Variants in S1PR1 observed in about 807,000 individuals in gnomAD.
S1PR1 encodes the protein sphingosine-1-phosphate receptor 1.
Under a neutral mutation model 18.3 loss-of-function variants are expected in S1PR1, and 2 were observed. The ratio of observed to expected loss-of-function variants is 0.11; its 90% CI spans 0.04 to 0.34. The LOEUF (loss-of-function observed/expected upper bound fraction) is 0.34, where lower values mean the gene tolerates loss of function less well. Ranked by LOEUF, S1PR1 falls within the 10% of genes least tolerant of loss-of-function variation. The pLI, the probability that S1PR1 is intolerant of heterozygous loss-of-function variation, is 1.00. For synonymous variants in S1PR1, 222 were observed against 211.2 expected, an observed-to-expected ratio of 1.05 and a Z score of -0.44; for missense variants, 335 against 493.8, an observed-to-expected ratio of 0.68 and a Z score of 3.05.
At chr1:101,241,579 CT>C (rs1652911646), downstream of S1PR1, 1 of 164,964 alleles carries the variant, frequency 6.1e-6, no homozygotes, top group Admixed American at 6.5e-5. Context: ...TTGTGTAGCT[CT>C]TTGGAATCAA....
At chr1:101,241,838 C>T (rs932859520), downstream of S1PR1, among the ~76,000 whole-genome samples, 1 of 152,090 alleles carries the variant, frequency 6.6e-6, no homozygotes. Context: ...ATAATTCTGT[C>T]ATCAAATATG....
Position 101,240,668 on chromosome 1 carries a change from T to G in S1PR1, c.*535T>G, listed in dbSNP as rs1283859134. 1 of 169,436 alleles carries G rather than the reference T, an allele frequency of 5.9e-6. No homozygotes were observed. The highest frequency in any genetic ancestry group is 2.0e-4 in the East Asian group (1 of 4,898). The allele number at this position is 169,436 out of a possible 1,614,324, so 10.5% of individuals were successfully genotyped here. On this transcript the variant is annotated 3_prime_UTR_variant, in exon 2 of 2. Coordinates refer to ENST00000305352, the MANE Select transcript of S1PR1 (RefSeq NM_001400.5). ...TACCTGAGAGTTATCAGAGCTGGGG[T>G]TGTGGAATGATCGATCATCTATAGC...
rs2100880368 is a variant in S1PR1, at chr1:101,239,004, C to T, written c.20C>T (p.Pro7Leu). The T allele has an allele frequency of 1.2e-6, 2 of 1,613,622 alleles. No individual in the cohort carries two copies. Among genetic ancestry groups the T allele is most frequent in the East Asian group, 2.2e-5 (1 of 44,886 alleles). The part of the protein sequence containing the change: MGPTSV[P>L]LVKAHRSSVS... ...GGCACCATGGGGCCCACCAGCGTCC[C>T]GCTGGTCAAGGCCCACCGCAGCTCG... Residue 7 changes from proline (P) to leucine (L), a missense_variant, in exon 2 of 2, where the codon CCG becomes CTG. Coordinates refer to ENST00000305352, the MANE Select transcript of S1PR1 (RefSeq NM_001400.5). The surrounding 1 kb of genome is among the most constrained non-coding windows in gnomAD (Gnocchi z 6.3).
chr1:101,239,737 G>A lies in S1PR1; in HGVS notation c.753G>A (p.Ser251=). 1 of 1,613,810 alleles carries A rather than the reference G, an allele frequency of 6.2e-7. No individual in the cohort carries two copies. The highest frequency in any genetic ancestry group is 8.5e-7 in the Non-Finnish European group (1 of 1,180,032). ...ISKASRSSEK[S]LALLKTVIIV... ...AGGCCAGCCGCAGCTCTGAGAAGTC[G>A]CTGGCGCTGCTCAAGACCGTAATTA... Residue 251 remains serine, a synonymous_variant, in exon 2 of 2, where the codon TCG becomes TCA. Transcript: ENST00000305352. This position sits in a 1 kb window ranked among gnomAD's most constrained non-coding sequence, Gnocchi z 6.3.
At position 101,240,091 on chromosome 1, in the gene S1PR1, A is replaced by G; in HGVS notation, c.1107A>G (p.Pro369=). 6.2e-7 allele frequency: 1 copy of G among 1,613,284 alleles called. No homozygotes were observed. Among genetic ancestry groups the G allele is most frequent in the Non-Finnish European group, 8.5e-7 (1 of 1,180,022 alleles). Residue 369 remains proline, a synonymous_variant, in exon 2 of 2, where the codon CCA becomes CCG. Transcript: ENST00000305352. ...CCCAGAAAGACGAAGGGGACAACCC[A>G]GAGACCATTATGTCTTCTGGAAACG... ...SHPQKDEGDN[P]ETIMSSGNVN... is the part of the protein sequence containing the mutation.
chr1:101,239,824 G>A lies in S1PR1; in HGVS notation c.840G>A (p.Val280=), dbSNP rs772560339. ...APLFILLLLD[V]GCKVKTCDIL... is the part of the protein sequence containing the mutation. Reference sequence around the variant, plus strand: ...TCTTCATCCTGCTCCTGCTGGATGTGGGCTGCAAGGTGAAGACCTGTGACA... The same window carrying A: ...TCTTCATCCTGCTCCTGCTGGATGTAGGCTGCAAGGTGAAGACCTGTGACA... Residue 280 remains valine (V), a synonymous_variant, in exon 2 of 2, where the codon GTG becomes GTA. Transcript: ENST00000305352. The surrounding 1 kb of genome is among the most constrained non-coding windows in gnomAD (Gnocchi z 6.3). 3.1e-6 allele frequency: 5 copies of A among 1,613,664 alleles called. No homozygotes were observed. Among genetic ancestry groups the A allele is most frequent in the African/African-American group, 1.3e-5 (1 of 75,038 alleles).
In S1PR1 at chr1:101,239,344, G is replaced by T; in HGVS notation, c.360G>T (p.Arg120=). The change falls in exon 2 of 2, where the codon CGG becomes CGT. Residue 120 remains arginine, a synonymous_variant. Coordinates refer to ENST00000305352, the MANE Select transcript of S1PR1 (RefSeq NM_001400.5). The surrounding 1 kb of genome is among the most constrained non-coding windows in gnomAD (Gnocchi z 6.3). ...YKLTPAQWFL[R]EGSMFVALSA... is the part of the protein sequence containing the mutation. ...TCACTCCCGCCCAGTGGTTTCTGCG[G>T]GAAGGGAGTATGTTTGTGGCCCTGT... 6.2e-7 allele frequency: 1 copy of T among 1,614,212 alleles called. No individual in the cohort carries two copies. Among genetic ancestry groups the T allele is most frequent in the Non-Finnish European group, 8.5e-7 (1 of 1,180,036 alleles).
rs1422022735 is a variant in S1PR1, at chr1:101,240,222, C to T, written c.*89C>T. On this transcript the variant is annotated 3_prime_UTR_variant, in exon 2 of 2. Coordinates refer to ENST00000305352, the MANE Select transcript of S1PR1 (RefSeq NM_001400.5). ...GAAAAAAATCTCTGGGCTTCGACTG[C>T]TGCCAGGGAGGAGCTGCTGCAAGCC... is the stretch of plus-strand genomic sequence containing the variant. 7.1e-7 allele frequency: 1 copy of T among 1,410,972 alleles called. No individual in the cohort carries two copies. The highest frequency in any genetic ancestry group is 9.8e-7 in the Non-Finnish European group (1 of 1,024,348). The allele number at this position is 1,410,972 out of a possible 1,614,324, so 87.4% of individuals were successfully genotyped here. A position where few individuals can be genotyped will look rare whatever the true frequency, so the allele number is the denominator to read the frequency against.
Position 101,240,861 on chromosome 1 carries a change from G to C in S1PR1, c.*728G>C, listed in dbSNP as rs1488843356. 1 of 167,194 alleles carries C rather than the reference G, an allele frequency of 6.0e-6. No individual in the cohort carries two copies. The highest frequency in any genetic ancestry group is 1.5e-5 in the Non-Finnish European group (1 of 68,110). The allele number at this position is 167,194 out of a possible 1,614,324, so 10.4% of individuals were successfully genotyped here. A position where few individuals can be genotyped will look rare whatever the true frequency, so the allele number is the denominator to read the frequency against. On this transcript the variant is annotated 3_prime_UTR_variant, in exon 2 of 2. Transcript: ENST00000305352. The stretch of plus-strand genomic sequence containing the variant: ...AAAAAACATCTTTTCAATGAAATGT[G>C]TTACCATTTCATATCCATTGAAGCC...
rs201084933 is a variant in S1PR1, at chr1:101,239,940, G to A, written c.956G>A (p.Arg319His). ...IIYTLTNKEM[R>H]RAFIRIMSCC... is the part of the protein sequence containing the mutation. Reference sequence around the variant, plus strand: ...TACACTCTGACCAACAAGGAGATGCGTCGGGCCTTCATCCGGATCATGTCC... The same window carrying A: ...TACACTCTGACCAACAAGGAGATGCATCGGGCCTTCATCCGGATCATGTCC... The change falls in exon 2 of 2, where the codon CGT becomes CAT. Residue 319 changes from arginine to histidine, a missense_variant. Transcript: ENST00000305352. This position sits in a 1 kb window ranked among gnomAD's most constrained non-coding sequence, Gnocchi z 6.3. 6.2e-7 allele frequency: 1 copy of A among 1,614,064 alleles called. No individual in the cohort carries two copies. Among genetic ancestry groups the A allele is most frequent in the Non-Finnish European group, 8.5e-7 (1 of 1,180,028 alleles).
In S1PR1 at chr1:101,240,319, A is replaced by G. The variant is rs528862816; in HGVS notation, c.*186A>G. On this transcript the variant is annotated 3_prime_UTR_variant, in exon 2 of 2. Transcript: ENST00000305352. ...TTGGTGGGTAGAGTTAGTTCCTGTG[A>G]ACAATGCACTGGGAAGGGTGGAGAT... is the stretch of plus-strand genomic sequence containing the variant. 88 of 640,456 alleles carry G rather than the reference A, an allele frequency of 1.4e-4. No homozygotes were observed. In the African/African-American group the frequency reaches 1.5e-3, roughly 11 times the overall value. The allele number at this position is 640,456 out of a possible 1,614,324, so 39.7% of individuals were successfully genotyped here.
chr1:101,241,008 G>A lies in S1PR1; in HGVS notation c.*875G>A, dbSNP rs200214595. ...AATGGATTAACTTTTGCAAACCAAG[G>A]GAGATTTCTTAGCAAATGAGTCTAA... is the stretch of plus-strand genomic sequence containing the variant. On this transcript the variant is annotated 3_prime_UTR_variant, in exon 2 of 2. Transcript: ENST00000305352. The A allele has an allele frequency of 6.0e-6, 1 of 167,070 alleles. No individual in the cohort carries two copies. The highest frequency in any genetic ancestry group is 1.5e-5 in the Non-Finnish European group (1 of 68,106). The allele number at this position is 167,070 out of a possible 1,614,324, so 10.3% of individuals were successfully genotyped here.
In S1PR1 at chr1:101,238,995, C is replaced by G. The variant is rs997974294; in HGVS notation, c.11C>G (p.Thr4Ser). 2 of 1,612,816 alleles carry G rather than the reference C, an allele frequency of 1.2e-6. No homozygotes were observed. Among genetic ancestry groups the G allele is most frequent in the Admixed American group, 1.7e-5 (1 of 59,918 alleles). The change falls in exon 2 of 2, where the codon ACC (threonine) becomes AGC (serine). Residue 4 changes from threonine (T) to serine (S), a missense_variant. This residue lies in a region of S1PR1 where 31 missense variants were observed against 29.6 expected (regional missense o/e 1.05). Coordinates refer to ENST00000305352, the MANE Select transcript of S1PR1 (RefSeq NM_001400.5). ...CACAGGGTTGGCACCATGGGGCCCACCAGCGTCCCGCTGGTCAAGGCCCAC... is the reference window on the plus strand; with the variant it reads ...CACAGGGTTGGCACCATGGGGCCCAGCAGCGTCCCGCTGGTCAAGGCCCAC... MGP[T>S]SVPLVKAHRS...
At chr1:101,238,528 C>CTT (rs66807270) in intron 1 of S1PR1, among the ~76,000 whole-genome samples, 1,898 of 144,838 alleles carry the variant, frequency 0.013, 34 homozygotes, top group African/African-American at 0.046. Flanking sequence ...TTTTCATCAT[C>CTT]TTTTTTTTTT....
Position 101,239,274 on chromosome 1 carries a change from C to T in S1PR1, c.290C>T (p.Ala97Val). Reference protein sequence around the residue: ...LALSDLLAGVAYTANLLLSGA... With the variant: ...LALSDLLAGVVYTANLLLSGA... ...CTCTCAGACCTGTTGGCAGGAGTAG[C>T]CTACACAGCTAACCTGCTCTTGTCT... Residue 97 changes from alanine to valine, a missense_variant, in exon 2 of 2, where the codon GCC becomes GTC. Physicochemically the swap from Ala to Val is moderately conservative, Grantham distance 64. Transcript: ENST00000305352. The surrounding 1 kb of genome is among the most constrained non-coding windows in gnomAD (Gnocchi z 6.3). The T allele has an allele frequency of 1.2e-6, 2 of 1,614,158 alleles. No individual in the cohort carries two copies. The highest frequency in any genetic ancestry group is 1.7e-6 in the Non-Finnish European group (2 of 1,180,026).
Position 101,240,961 on chromosome 1 carries a change from A to C in S1PR1, c.*828A>C, listed in dbSNP as rs1465416384. On this transcript the variant is annotated 3_prime_UTR_variant, in exon 2 of 2. Transcript: ENST00000305352. ...CCTTGGTGTCCTAGGAGAAACAGAC[A>C]AGCAAAACAAAGTGAAAACCGAATG... 4 of 167,224 alleles carry C rather than the reference A, an allele frequency of 2.4e-5. No individual in the cohort carries two copies. Among genetic ancestry groups the C allele is most frequent in the Non-Finnish European group, 5.9e-5 (4 of 68,118 alleles). The allele number at this position is 167,224 out of a possible 1,614,324, so 10.4% of individuals were successfully genotyped here. A position where few individuals can be genotyped will look rare whatever the true frequency, so the allele number is the denominator to read the frequency against.
At chr1:101,237,341 G>C (rs373509857) in intron 1 of S1PR1, among the ~76,000 whole-genome samples, 1 of 152,172 alleles carries the variant, frequency 6.6e-6, no homozygotes, top group Non-Finnish European at 1.5e-5. Flanking sequence ...TGGAACCTAC[G>C]GGTGTAGGGG....
downstream of S1PR1, among the ~76,000 whole-genome samples, chr1:101,241,703 A>G (rs565612708): frequency 1.6e-4 from 24 of 152,368 alleles, no homozygotes; most frequent in South Asian, 1.4e-3. Context: ...AGAAACTTCA[A>G]TAAGTTAACA....
In S1PR1 at chr1:101,239,251, C is replaced by T. The variant is rs1298510988; in HGVS notation, c.267C>T (p.Leu89=). The T allele has an allele frequency of 6.2e-7, 1 of 1,614,236 alleles. No individual in the cohort carries two copies. Among genetic ancestry groups the T allele is most frequent in the Non-Finnish European group, 8.5e-7 (1 of 1,180,048 alleles). ...ACTATTTTATTGGCAATCTGGCCCT[C>T]TCAGACCTGTTGGCAGGAGTAGCCT... ...PMYYFIGNLA[L]SDLLAGVAYT... The change falls in exon 2 of 2, where the codon CTC becomes CTT. Residue 89 remains leucine, a synonymous_variant. Coordinates refer to ENST00000305352, the MANE Select transcript of S1PR1 (RefSeq NM_001400.5). The surrounding 1 kb of genome is among the most constrained non-coding windows in gnomAD (Gnocchi z 6.3).
Sources: gnomAD v4.1 joint callset for allele counts (sites outside exome capture counted in the v4.1 genomes callset) on GRCh38, gnomAD v4.1.1 for gene constraint, gnomAD v4.1.1 regional missense constraint, Gnocchi (gnomAD v3.1) non-coding constraint, MANE v1.5 for transcripts, NCBI Gene and HGNC (gene_info 2026-07-23, HGNC 2026-07-21) for gene names.